Variants in MACROD2 observed in about 807,000 individuals in gnomAD.
MACROD2 encodes mono-ADP ribosylhydrolase 2.
In MACROD2, 36 loss-of-function variants were observed where a neutral mutation model predicts 70.4. That is an observed-to-expected ratio of 0.51 (90% CI 0.39 to 0.68). The LOEUF is 0.68. Among genes scored for constraint, MACROD2 ranks in the 30% least tolerant of loss-of-function variants. MACROD2 has a pLI of 0.00. For missense variants in MACROD2, 496 were observed against 538.4 expected, an observed-to-expected ratio of 0.92 and a Z score of 0.78; for synonymous variants, 172 against 178.8, an observed-to-expected ratio of 0.96 and a Z score of 0.30.
chr20:15,085,793 C>T (rs3932489), intron 5 of MACROD2, among the ~76,000 whole-genome samples: 43,148 of 151,030 alleles, frequency 0.29, 6,383 homozygotes, highest in Non-Finnish European at 0.33. Context: ...AAACAAACTC[C>T]TATGTATTGA....
intron 5 of MACROD2, among the ~76,000 whole-genome samples, chr20:14,842,809 A>G (rs2073101085): frequency 6.6e-6 from 1 of 152,096 alleles, no homozygotes; most frequent in Non-Finnish European, 1.5e-5. Flanking sequence ...AGTACACTGA[A>G]GTCTTCAGTG....
At chr20:15,392,796 T>C (rs1483740257) in intron 6 of MACROD2, among the ~76,000 whole-genome samples, 1 of 152,180 alleles carries the variant, frequency 6.6e-6, no homozygotes, top group Non-Finnish European at 1.5e-5. Context: ...TCTGTCTTCC[T>C]TTTCTTTCCT....
At chr20:14,363,472 T>C (rs1224288077) in intron 3 of MACROD2, among the ~76,000 whole-genome samples, 1 of 152,198 alleles carries the variant, frequency 6.6e-6, no homozygotes, top group Non-Finnish European at 1.5e-5. Flanking sequence ...GCATATTTAA[T>C]ATGACTGGCT....
At chr20:15,779,028 A>T (rs1446426036) in intron 8 of MACROD2, among the ~76,000 whole-genome samples, 1 of 152,130 alleles carries the variant, frequency 6.6e-6, no homozygotes, top group African/African-American at 2.4e-5. Context: ...AGTGGAAGAA[A>T]CAGCAAGTAG....
intron 3 of MACROD2, among the ~76,000 whole-genome samples, chr20:14,265,210 G>A (rs1360689404): frequency 3.9e-5 from 6 of 152,206 alleles, no homozygotes; most frequent in Admixed American, 3.9e-4. Flanking sequence ...GCATTTCCAA[G>A]TATCACAGTG....
At chr20:15,816,901 T>C (rs1252353267) in intron 8 of MACROD2, among the ~76,000 whole-genome samples, 1 of 152,184 alleles carries the variant, frequency 6.6e-6, no homozygotes, top group Non-Finnish European at 1.5e-5. Context: ...TAAACCCTGA[T>C]GGTAGAGACT....
At chr20:15,906,287 T>G (rs1321798266) in intron 10 of MACROD2, among the ~76,000 whole-genome samples, 1 of 152,256 alleles carries the variant, frequency 6.6e-6, no homozygotes, top group Non-Finnish European at 1.5e-5. Context: ...GCATGCTAAC[T>G]AGATGCAATG....
At chr20:15,140,815 A>G (rs1355114306) in intron 5 of MACROD2, among the ~76,000 whole-genome samples, 2 of 152,176 alleles carry the variant, frequency 1.3e-5, no homozygotes, top group Non-Finnish European at 2.9e-5. Flanking sequence ...ACACTCTCCC[A>G]AAACTAATTC....
chr20:14,383,307 G>T (rs912000111), intron 3 of MACROD2, among the ~76,000 whole-genome samples: 1 of 149,648 alleles, frequency 6.7e-6, no homozygotes. Context: ...ACCGTTTTTT[G>T]TTTTTTTTTT....
At chr20:14,257,997 AT>A (rs1259192859) in intron 3 of MACROD2, among the ~76,000 whole-genome samples, 1 of 152,078 alleles carries the variant, frequency 6.6e-6, no homozygotes, top group Admixed American at 6.5e-5. Flanking sequence ...TTGGTTTTCC[AT>A]TTTTGAGTTG....
intron 8 of MACROD2, among the ~76,000 whole-genome samples, chr20:15,543,008 C>T (rs2047978509): frequency 6.6e-6 from 1 of 152,152 alleles, no homozygotes; most frequent in Non-Finnish European, 1.5e-5. Flanking sequence ...GTTGCTATGC[C>T]TGTCAAGCAG....
At chr20:15,824,264 CGTGT>C (rs1568581806) in intron 8 of MACROD2, among the ~76,000 whole-genome samples, 1 of 151,262 alleles carries the variant, frequency 6.6e-6, no homozygotes, top group African/African-American at 2.4e-5. Flanking sequence ...TCTCTGTGTG[CGTGT>C]GTGTGTTTGT....
rs576495954 is a variant in MACROD2 at position 14,302,942 on chromosome 20, G to A, written c.272-190537G>A. 1.6e-4 allele frequency among the ~76,000 whole-genome samples: 24 copies of A among 152,176 alleles called. No homozygotes were observed. The South Asian group carries it at 4.4e-3, about 28-fold the overall frequency. ...GCTGGGACTACAGGTGTGAGCCACCGTGCCTGGCCGGAAGTTATTTTTAAA... is the reference window on the plus strand; with the variant it reads ...GCTGGGACTACAGGTGTGAGCCACCATGCCTGGCCGGAAGTTATTTTTAAA... On this transcript the variant is annotated intron_variant, in intron 3 of 17. Coordinates refer to ENST00000684519, the MANE Select transcript of MACROD2 (RefSeq NM_001351661.2).
intron 2 of MACROD2, among the ~76,000 whole-genome samples, chr20:14,042,589 T>C (rs1422078233): frequency 2.0e-5 from 3 of 152,110 alleles, no homozygotes; most frequent in African/African-American, 7.2e-5. Flanking sequence ...ACCTGCAACC[T>C]CCGCCTCCTG....
intron 3 of MACROD2, among the ~76,000 whole-genome samples, chr20:14,320,663 ATTTTTTTTTTTTTTT>A: frequency 8.1e-6 from 1 of 123,682 alleles, no homozygotes; most frequent in African/African-American, 3.4e-5. Context: ...CACCTTTGGA[ATTTTTTTTTTTTTTT>A]TTTTTTTTTT....
chr20:15,094,412 G>GA (rs1372004956), intron 5 of MACROD2, among the ~76,000 whole-genome samples: 4 of 151,936 alleles, frequency 2.6e-5, no homozygotes, highest in Non-Finnish European at 2.9e-5. Flanking sequence ...AATCAAGTTA[G>GA]AAAAAAATGT....
intron 5 of MACROD2, among the ~76,000 whole-genome samples, chr20:15,148,487 A>T (rs1045147804): frequency 6.6e-6 from 1 of 152,086 alleles, no homozygotes; most frequent in African/African-American, 2.4e-5. Context: ...TGGGGATAGC[A>T]TCAGGAGGTA....
At chr20:14,047,291 C>G (rs56100526) in intron 2 of MACROD2, among the ~76,000 whole-genome samples, 1 of 151,660 alleles carries the variant, frequency 6.6e-6, no homozygotes, top group Admixed American at 6.6e-5. Flanking sequence ...CTAAAAAAAC[C>G]CAAATATACA....
chr20:15,650,165 G>T (rs907665470), intron 8 of MACROD2, among the ~76,000 whole-genome samples: 4 of 152,214 alleles, frequency 2.6e-5, no homozygotes, highest in Non-Finnish European at 5.9e-5. Flanking sequence ...AAGGAATTAA[G>T]TAGGGAATGT....
Sources: gnomAD v4.1 joint callset for allele counts (sites outside exome capture counted in the v4.1 genomes callset) on GRCh38, gnomAD v4.1.1 for gene constraint, MANE v1.5 for transcripts, NCBI Gene and HGNC (gene_info 2026-07-23, HGNC 2026-07-21) for gene names.